Variants in GPC6 observed in about 807,000 individuals in gnomAD.
GPC6 encodes glypican-6.
Under a neutral mutation model 55.2 loss-of-function variants are expected in GPC6, and 14 were observed. The ratio of observed to expected loss-of-function variants is 0.25; its 90% CI spans 0.17 to 0.40. GPC6 has a LOEUF of 0.40. GPC6 is among the 10% of genes least tolerant of loss of function. GPC6 has a pLI of 1.00. For synonymous variants in GPC6, 278 were observed against 259.6 expected (o/e 1.07, Z -0.68); for missense variants, 641 against 708.5 (o/e 0.90, Z 1.08).
intron 1 of GPC6, among the ~76,000 whole-genome samples, chr13:93,484,808 A>G (rs1308250258): frequency 6.6e-6 from 1 of 152,192 alleles, no homozygotes; most frequent in Non-Finnish European, 1.5e-5. Flanking sequence ...AGCGATGACT[A>G]TTGCTATGAC....
At chr13:94,242,832 A>T (rs1442344331) in intron 4 of GPC6, among the ~76,000 whole-genome samples, 3 of 152,074 alleles carry the variant, frequency 2.0e-5, no homozygotes, top group Non-Finnish European at 1.5e-5. Context: ...TATTTTACAC[A>T]GTCTGTTGGG....
chr13:93,260,014 T>C (rs1209545577), intron 1 of GPC6, among the ~76,000 whole-genome samples: 1 of 152,116 alleles, frequency 6.6e-6, no homozygotes. Context: ...TGTACAAACA[T>C]CAATGAAATA....
chr13:94,388,556 T>G (rs757750070), intron 7 of GPC6, among the ~76,000 whole-genome samples: 38 of 152,234 alleles, frequency 2.5e-4, no homozygotes, highest in Non-Finnish European at 3.7e-4. Flanking sequence ...GGATGAATAC[T>G]TTGTATCTTT....
chr13:93,412,286 A>T (rs150273421), intron 1 of GPC6, among the ~76,000 whole-genome samples: 1 of 152,180 alleles, frequency 6.6e-6, no homozygotes, highest in Non-Finnish European at 1.5e-5. Context: ...CCACCTTTTC[A>T]AGACAATAGT....
At chr13:94,205,583 G>C (rs1889875907) in intron 4 of GPC6, among the ~76,000 whole-genome samples, 1 of 152,160 alleles carries the variant, frequency 6.6e-6, no homozygotes, top group South Asian at 2.1e-4. Flanking sequence ...GCTTGGGAAA[G>C]TTTATGTCCT....
intron 4 of GPC6, among the ~76,000 whole-genome samples, chr13:94,257,194 G>A (rs1054668550): frequency 6.6e-6 from 1 of 152,154 alleles, no homozygotes; most frequent in Non-Finnish European, 1.5e-5. Context: ...GGCAGTAACA[G>A]CAGGGGCATC....
At chr13:94,054,900 T>G (rs898860872) in intron 4 of GPC6, among the ~76,000 whole-genome samples, 6 of 151,992 alleles carry the variant, frequency 3.9e-5, no homozygotes, top group Non-Finnish European at 4.4e-5. Context: ...CTGATCTGAG[T>G]CTCAAACCCG....
chr13:93,344,060 G>C (rs1451719805), intron 1 of GPC6, among the ~76,000 whole-genome samples: 1 of 152,114 alleles, frequency 6.6e-6, no homozygotes, highest in Admixed American at 6.5e-5. Context: ...TTGATATCCA[G>C]CTATCATCTA....
In GPC6 at chr13:94,206,774, G is replaced by A. The variant is rs555358723; in HGVS notation, c.878-79575G>A. ...AGGCTGTGGTGGGAGGATCACTTGA[G>A]CCCAGAAGGCAGAGGTTGCAATGAG... On this transcript the variant is annotated intron_variant, in intron 4 of 8. Coordinates refer to ENST00000377047, the MANE Select transcript of GPC6 (RefSeq NM_005708.5). 1.8e-4 allele frequency among the ~76,000 whole-genome samples: 28 copies of A among 152,208 alleles called. No individual in the cohort carries two copies. In the East Asian group the frequency reaches 5.4e-3, roughly 29 times the overall value.
intron 5 of GPC6, among the ~76,000 whole-genome samples, chr13:94,297,800 T>A (rs1387917334): frequency 6.6e-6 from 1 of 152,074 alleles, no homozygotes; most frequent in Non-Finnish European, 1.5e-5. Context: ...CCCAAAATTC[T>A]CCTAACAGAG....
intron 1 of GPC6, among the ~76,000 whole-genome samples, chr13:93,377,310 T>A (rs1291077980): frequency 6.6e-6 from 1 of 152,116 alleles, no homozygotes; most frequent in East Asian, 1.9e-4. Context: ...AGGAGCAAAG[T>A]CAAAGAGGTT....
At chr13:93,780,671 G>T (rs1051420093) in intron 2 of GPC6, among the ~76,000 whole-genome samples, 2 of 150,658 alleles carry the variant, frequency 1.3e-5, no homozygotes, top group African/African-American at 2.4e-5. Context: ...CTTATCTAAG[G>T]TTACTCCTAT....
intron 3 of GPC6, among the ~76,000 whole-genome samples, chr13:93,996,614 A>G (rs189832936): frequency 6.6e-6 from 1 of 152,262 alleles, no homozygotes; most frequent in East Asian, 1.9e-4. Flanking sequence ...CTGCTTATTA[A>G]CTAAAACCAC....
rs1876019679 is a variant in GPC6 at position 93,231,361 on chromosome 13, G to GTATATATATATATATATACA, written c.160+3761_160+3780dup. ...TATATATATACATATATATATATAC[G>GTATATATATATATATATACA]TATATATATATATATATACATATAT... On this transcript the variant is annotated intron_variant, in intron 1 of 8. Transcript: ENST00000377047. Among the ~76,000 whole-genome samples, 34 of 86,210 alleles carry GTATATATATATATATATACA rather than the reference G, an allele frequency of 3.9e-4. 1 individual carries two copies. Among genetic ancestry groups the GTATATATATATATATATACA allele is most frequent in the Non-Finnish European group, 6.4e-4 (28 of 43,482 alleles). The allele number at this position is 86,210 out of a possible 152,430, so 56.6% of individuals were successfully genotyped here. A position where few individuals can be genotyped will look rare whatever the true frequency, so the allele number is the denominator to read the frequency against.
At chr13:93,538,312 G>T (rs746391190) in intron 1 of GPC6, among the ~76,000 whole-genome samples, 22 of 152,166 alleles carry the variant, frequency 1.4e-4, no homozygotes, top group Admixed American at 7.2e-4. Context: ...GTAAGAAGCT[G>T]CCTTACTAAT....
chr13:94,059,489 G>C (rs899356650), intron 4 of GPC6, among the ~76,000 whole-genome samples: 2 of 152,092 alleles, frequency 1.3e-5, no homozygotes, highest in Non-Finnish European at 2.9e-5. Flanking sequence ...CAGGGAGCAG[G>C]ATAAAGAGGT....
chr13:94,393,124 T>C (rs73553848), intron 7 of GPC6, among the ~76,000 whole-genome samples: 2,117 of 152,334 alleles, frequency 0.014, 51 homozygotes, highest in African/African-American at 0.049. Context: ...AGGTTGCTGA[T>C]AGCATAGGCT....
At chr13:93,305,788 A>C (rs1471726271) in intron 1 of GPC6, among the ~76,000 whole-genome samples, 1 of 152,174 alleles carries the variant, frequency 6.6e-6, no homozygotes, top group East Asian at 1.9e-4. Context: ...ATTTGATTTT[A>C]GTTTCCTATT....
rs1343623704 is a variant in GPC6 at position 94,190,527 on chromosome 13, CA to C, written c.878-95821del. On this transcript the variant is annotated intron_variant, in intron 4 of 8. Coordinates refer to ENST00000377047, the MANE Select transcript of GPC6 (RefSeq NM_005708.5). ...GCTCCAGATTGAGGGACACTGAGGA[CA>C]CATGGCAATGAAATGGAATACAGGA... 2.6e-5 allele frequency among the ~76,000 whole-genome samples: 4 copies of C among 152,052 alleles called. No homozygotes were observed. The East Asian group carries it at 7.7e-4, about 29-fold the overall frequency.
Sources: gnomAD v4.1 joint callset for allele counts (sites outside exome capture counted in the v4.1 genomes callset) on GRCh38, gnomAD v4.1.1 for gene constraint, MANE v1.5 for transcripts, NCBI Gene and HGNC (gene_info 2026-07-23, HGNC 2026-07-21) for gene names.